Variants in CA3 observed in about 807,000 individuals in gnomAD.
CA3 encodes CA-III.
A neutral mutation model predicts 35.7 loss-of-function variants in CA3; 30 were observed. The ratio of observed to expected loss-of-function variants is 0.84; its 90% CI spans 0.63 to 1.14. The LOEUF is 1.14. CA3 is among the 50% of genes most tolerant of loss of function. The pLI, the probability that CA3 is intolerant of heterozygous loss-of-function variation, is 0.00. For missense variants in CA3, 295 were observed against 328.5 expected, an observed-to-expected ratio of 0.90 and a Z score of 0.79; for synonymous variants, 131 against 130.8, an observed-to-expected ratio of 1.00 and a Z score of -0.01.
chr8:85,446,657 G>A (rs534004057), intron 6 of CA3, among the ~76,000 whole-genome samples: 3 of 152,296 alleles, frequency 2.0e-5, no homozygotes, highest in African/African-American at 7.2e-5. Flanking sequence ...ACCTGGAGAA[G>A]AGAAAGGTGC....
chr8:85,442,276 C>A, intron 3 of CA3, 85 bp downstream of exon 3: 1 of 789,980 alleles, frequency 1.3e-6, no homozygotes, highest in South Asian at 1.4e-5. Flanking sequence ...AACAAAGCAT[C>A]ATCCACTGCT....
At chr8:85,446,042 C>A in intron 5 of CA3, 100 bp from the exon 6 acceptor site, 1 of 1,076,396 alleles carries the variant, frequency 9.3e-7, no homozygotes, top group Non-Finnish European at 1.3e-6. Flanking sequence ...TTCTCTATTG[C>A]ATTTGAAATT....
intron 2 of CA3, among the ~76,000 whole-genome samples, chr8:85,440,600 G>T (rs971522227): frequency 3.9e-5 from 6 of 152,132 alleles, no homozygotes; most frequent in African/African-American, 1.2e-4. Flanking sequence ...AATAAAAGAA[G>T]ACTAGTCAGA....
chr8:85,446,133 C>T lies in CA3; in HGVS notation c.508-9C>T, dbSNP rs1246160329. Reference sequence around the variant, plus strand: ...GCACTCACTGCACCTGCAACCTGCTCTTACCCAGGGCAAGGAGGCGCCCTT... The same window carrying T: ...GCACTCACTGCACCTGCAACCTGCTTTTACCCAGGGCAAGGAGGCGCCCTT... On this transcript the variant is annotated splice_polypyrimidine_tract_variant and intron_variant, in intron 5 of 6. Transcript: ENST00000285381. The T allele has an allele frequency of 1.2e-5, 19 of 1,599,218 alleles. No individual in the cohort carries two copies. The highest frequency in any genetic ancestry group is 1.6e-5 in the Non-Finnish European group (19 of 1,171,142).
chr8:85,439,038 G>T, intron 1 of CA3, 95 bp downstream of exon 1: 1 of 1,190,094 alleles, frequency 8.4e-7, no homozygotes, highest in Non-Finnish European at 1.2e-6. Flanking sequence ...AGACTGCAGT[G>T]GAAAATGTAG....
Position 85,440,363 on chromosome 8 carries a change from G to T in CA3, c.232+454G>T, listed in dbSNP as rs555670895. 6.6e-5 allele frequency among the ~76,000 whole-genome samples: 10 copies of T among 152,304 alleles called. No individual in the cohort carries two copies. The South Asian group carries it at 2.1e-3, about 32-fold the overall frequency. On this transcript the variant is annotated intron_variant, in intron 2 of 6. Coordinates refer to ENST00000285381, the MANE Select transcript of CA3 (RefSeq NM_005181.4). Reference sequence around the variant, plus strand: ...AGGCACTTTCTTCCCTTGGTGCCTGGGAGGTGACCAATCTAGGGGAGAGAA... The same window carrying T: ...AGGCACTTTCTTCCCTTGGTGCCTGTGAGGTGACCAATCTAGGGGAGAGAA...
intron 3 of CA3, 114 bp downstream of exon 3, chr8:85,442,305 T>G: frequency 1.4e-6 from 1 of 724,388 alleles, no homozygotes; most frequent in African/African-American, 1.7e-5. Context: ...AAGTCTATAG[T>G]TATGAAAAGA....
intron 3 of CA3, among the ~76,000 whole-genome samples, chr8:85,442,969 A>G (rs1811228220): frequency 6.6e-6 from 1 of 152,198 alleles, no homozygotes; most frequent in Admixed American, 6.5e-5. Context: ...AGAATTCATC[A>G]TCTTATCCAG....
At chr8:85,444,424 T>G (rs1282727917) in intron 4 of CA3, among the ~76,000 whole-genome samples, 3 of 151,884 alleles carry the variant, frequency 2.0e-5, no homozygotes, top group Non-Finnish European at 4.4e-5. Context: ...CTTATTACGG[T>G]GGTGGTAAGG....
Position 85,448,229 on chromosome 8 carries a change from TC to T in CA3, c.*78del, listed in dbSNP as rs11340759. On this transcript the variant is annotated 3_prime_UTR_variant, in exon 7 of 7. Transcript: ENST00000285381. ...TTGGTTCCTTGCCTCCTTCTGGTGC[TC>T]CTTACTCCAAGTCTATTTCATTTTT... 903,313 of 1,452,874 alleles carry T rather than the reference TC, an allele frequency of 0.62. 284,979 individuals are homozygous for T. Among genetic ancestry groups the T allele is most frequent in the African/African-American group, 0.74 (52,660 of 70,996 alleles). 90.0% of individuals were successfully genotyped at this position (1,452,874 alleles called of 1,614,324 possible). A position where few individuals can be genotyped will look rare whatever the true frequency, so the allele number is the denominator to read the frequency against.
At chr8:85,441,940 G>T in intron 2 of CA3, 133 bp from the exon 3 acceptor site, 1 of 672,604 alleles carries the variant, frequency 1.5e-6, no homozygotes. Context: ...CAGTGTCCTG[G>T]GAGTGGCACC....
intron 4 of CA3, among the ~76,000 whole-genome samples, 165 bp downstream of exon 4, chr8:85,444,291 C>T (rs1221680075): frequency 2.6e-5 from 4 of 152,138 alleles, no homozygotes; most frequent in South Asian, 2.1e-4. Flanking sequence ...CTCAAAATGT[C>T]TTACTTTTCT....
rs766933947 is a variant in CA3, at chr8:85,445,503, A to AACACAC, written c.507+322_507+327dup. Among the ~76,000 whole-genome samples, 1,090 of 123,296 alleles carry AACACAC rather than the reference A, an allele frequency of 8.8e-3. 10 individuals carry two copies. The highest frequency in any genetic ancestry group is 0.033 in the South Asian group (122 of 3,732). The allele number at this position is 123,296 out of a possible 152,430, so 80.9% of individuals were successfully genotyped here. A position where few individuals can be genotyped will look rare whatever the true frequency, so the allele number is the denominator to read the frequency against. On this transcript the variant is annotated intron_variant, in intron 5 of 6. Transcript: ENST00000285381. ...TTGAGTGGTCACCGCATCCTCGCCC[A>AACACAC]ACACACACACACACACACACACACA...
chr8:85,439,042 A>T (rs1388956477), intron 1 of CA3, 99 bp downstream of exon 1: 5 of 1,179,708 alleles, frequency 4.2e-6, no homozygotes, highest in Non-Finnish European at 6.2e-6. Flanking sequence ...TGCAGTGGAA[A>T]ATGTAGGAGT....
At position 85,448,347 on chromosome 8, in the gene CA3, G is replaced by T; in HGVS notation, c.*194G>T. 1 of 429,972 alleles carries T rather than the reference G, an allele frequency of 2.3e-6. No homozygotes were observed. The highest frequency in any genetic ancestry group is 4.0e-6 in the Non-Finnish European group (1 of 250,836). The allele number at this position is 429,972 out of a possible 1,614,324, so 26.6% of individuals were successfully genotyped here. A position where few individuals can be genotyped will look rare whatever the true frequency, so the allele number is the denominator to read the frequency against. On this transcript the variant is annotated 3_prime_UTR_variant, in exon 7 of 7. Coordinates refer to ENST00000285381, the MANE Select transcript of CA3 (RefSeq NM_005181.4). ...ACTTTCGACAAGATCTAATATGAAAGCATAGATTTCACATTTGATCTCTGT... is the reference window on the plus strand; with the variant it reads ...ACTTTCGACAAGATCTAATATGAAATCATAGATTTCACATTTGATCTCTGT...
At position 85,439,597 on chromosome 8, in the gene CA3, A is replaced by T. The variant is rs554951742; in HGVS notation, c.35-115A>T. The T allele has an allele frequency of 2.9e-4, 197 of 687,204 alleles. 3 individuals are homozygous for T. In the South Asian group the frequency reaches 3.4e-3, roughly 12 times the overall value. 42.6% of individuals were successfully genotyped at this position (687,204 alleles called of 1,614,324 possible). On this transcript the variant is annotated intron_variant, in intron 1 of 6. Transcript: ENST00000285381. ...TCTCTTATTGCCCAGTCTGAAACCT[A>T]AGACCTTTTTGAAATCACTGTCTAG...
At chr8:85,445,707 G>A (rs781760623) in intron 5 of CA3, among the ~76,000 whole-genome samples, 4 of 151,944 alleles carry the variant, frequency 2.6e-5, no homozygotes, top group African/African-American at 7.3e-5. Context: ...TTTTCTGACC[G>A]TTCTAATCAA....
chr8:85,445,081 CA>C, intron 4 of CA3, 74 bp from the exon 5 acceptor site: 1 of 954,154 alleles, frequency 1.0e-6, no homozygotes, highest in South Asian at 1.6e-5. Context: ...ATGGATGGAT[CA>C]AAATCAGCTT....
intron 3 of CA3, chr8:85,442,425 A>G (rs1811220586): frequency 2.3e-6 from 1 of 443,226 alleles, no homozygotes; most frequent in Non-Finnish European, 4.1e-6. Flanking sequence ...TTATGTTAAG[A>G]AACTGGGGCG....
Sources: gnomAD v4.1 joint callset for allele counts (sites outside exome capture counted in the v4.1 genomes callset) on GRCh38, gnomAD v4.1.1 for gene constraint, MANE v1.5 for transcripts, NCBI Gene and HGNC (gene_info 2026-07-23, HGNC 2026-07-21) for gene names.